SOX6: variants seen among roughly 807,000 people sequenced by gnomAD.
The protein encoded by SOX6 is SRY-box transcription factor 6.
SOX6 carries 11 observed loss-of-function variants against 97.8 expected under a neutral mutation model. The ratio of observed to expected loss-of-function variants is 0.11; its 90% confidence interval spans 0.07 to 0.19. SOX6 has a LOEUF of 0.19. Ranked by LOEUF, SOX6 falls within the 10% of genes least tolerant of loss-of-function variation. SOX6 has a pLI of 1.00. For synonymous variants in SOX6, 360 were observed against 371.4 expected (o/e 0.97, Z 0.35); for missense variants, 810 against 1,039.5 (o/e 0.78, Z 3.04).
chr11:16,414,474 C>T (rs1332272813), intron 1 of SOX6, among the ~76,000 whole-genome samples: 1 of 151,886 alleles, frequency 6.6e-6, no homozygotes, highest in Non-Finnish European at 1.5e-5. Flanking sequence ...AATTAATTCC[C>T]TCAGTAATTA....
upstream of SOX6, among the ~76,000 whole-genome samples, chr11:16,477,005 A>G (rs549906687): frequency 1.2e-4 from 19 of 152,338 alleles, no homozygotes; most frequent in East Asian, 2.5e-3. Flanking sequence ...TTTAACATAC[A>G]AAGAGTCATT....
chr11:15,998,486 A>G (rs1169653471), intron 13 of SOX6, among the ~76,000 whole-genome samples: 1 of 112,864 alleles, frequency 8.9e-6, no homozygotes, highest in African/African-American at 2.7e-5. Context: ...ATATTGTTAC[A>G]ATGTGATTGT....
chr11:16,140,032 T>C (rs1249433414), intron 6 of SOX6, among the ~76,000 whole-genome samples: 2 of 151,088 alleles, frequency 1.3e-5, no homozygotes, highest in Non-Finnish European at 2.9e-5. Flanking sequence ...TGTATATTTA[T>C]ATGTGTATAT....
chr11:16,659,821 C>T (rs1782616648), intron 3 of SOX6, among the ~76,000 whole-genome samples: 1 of 152,114 alleles, frequency 6.6e-6, no homozygotes, highest in African/African-American at 2.4e-5. Context: ...GGGGCCTATT[C>T]AGATTATCTA....
chr11:16,281,999 A>G (rs1169170346), intron 3 of SOX6, among the ~76,000 whole-genome samples: 6 of 148,880 alleles, frequency 4.0e-5, no homozygotes, highest in Non-Finnish European at 7.4e-5. Flanking sequence ...ATATATATAT[A>G]TATATATACA....
chr11:16,684,213 C>T (rs188864153), intron 3 of SOX6, among the ~76,000 whole-genome samples: 1 of 152,234 alleles, frequency 6.6e-6, no homozygotes, highest in African/African-American at 2.4e-5. Context: ...CCATTTGACC[C>T]AGTGATCCCA....
rs904855067 is a variant in SOX6, at chr11:16,062,429, A to C, written c.1102-6528T>G. ...ATATAATTCTCAGATCATAGTTCAC[A>C]GTCATAATGATTATAATAATGAATA... On this transcript the variant is annotated intron_variant, in intron 9 of 15. Transcript: ENST00000683767. Among the ~76,000 whole-genome samples the C allele has an allele frequency of 4.8e-4, 73 of 151,750 alleles. 1 individual carries two copies. The highest frequency in any genetic ancestry group is 1.5e-3 in the African/African-American group (63 of 41,432).
At chr11:16,251,615 G>A (rs1295965265) in intron 3 of SOX6, among the ~76,000 whole-genome samples, 1 of 152,074 alleles carries the variant, frequency 6.6e-6, no homozygotes, top group Non-Finnish European at 1.5e-5. Context: ...TCACAGAGAT[G>A]ACTCCAGGTC....
intron 4 of SOX6, among the ~76,000 whole-genome samples, chr11:16,540,801 A>C (rs1380058971): frequency 6.6e-6 from 1 of 152,210 alleles, no homozygotes; most frequent in Non-Finnish European, 1.5e-5. Flanking sequence ...ACTACAAACC[A>C]CTGCTCAATG....
At chr11:16,202,989 A>G (rs982876527) in intron 4 of SOX6, among the ~76,000 whole-genome samples, 1 of 152,166 alleles carries the variant, frequency 6.6e-6, no homozygotes, top group Non-Finnish European at 1.5e-5. Flanking sequence ...GCACTGCTTT[A>G]TAGGAATCTC....
chr11:16,437,770 T>TAAACTACATAATATGGGGAAAAAAA (rs1164865700), intron 1 of SOX6, among the ~76,000 whole-genome samples: 1 of 152,224 alleles, frequency 6.6e-6, no homozygotes. Flanking sequence ...ATTTAACTTG[T>TAAACTACATAATATGGGGAAAAAAA]CTGTGCTGAG....
intron 12 of SOX6, among the ~76,000 whole-genome samples, chr11:16,027,401 C>T (rs1204670929): frequency 6.6e-6 from 1 of 151,980 alleles, no homozygotes; most frequent in Non-Finnish European, 1.5e-5. Flanking sequence ...CTTTCAAGTC[C>T]TGAAAATCAG....
chr11:16,023,176 C>G (rs1855117978), intron 12 of SOX6: 2 of 152,134 alleles, frequency 1.3e-5, no homozygotes, highest in African/African-American at 4.8e-5. Context: ...TCTAACACCC[C>G]TAACCCCTTT....
intron 3 of SOX6, among the ~76,000 whole-genome samples, chr11:16,243,996 T>C (rs1853266591): frequency 1.3e-5 from 2 of 152,016 alleles, no homozygotes; most frequent in Non-Finnish European, 2.9e-5. Context: ...CATTCACAAG[T>C]CTTTTTATGA....
chr11:16,174,517 A>T (rs1302840279), intron 6 of SOX6, among the ~76,000 whole-genome samples: 3 of 151,938 alleles, frequency 2.0e-5, no homozygotes, highest in Admixed American at 6.6e-5. Context: ...CTATATGTGA[A>T]TTAAAAATGG....
At chr11:16,330,743 T>G (rs1856264548) in intron 2 of SOX6, among the ~76,000 whole-genome samples, 1 of 152,070 alleles carries the variant, frequency 6.6e-6, no homozygotes, top group Non-Finnish European at 1.5e-5. Context: ...CCAAGAAAGT[T>G]AGAAGTGCCA....
At chr11:16,589,308 T>A (rs1848125946) in intron 4 of SOX6, among the ~76,000 whole-genome samples, 2 of 152,192 alleles carry the variant, frequency 1.3e-5, no homozygotes, top group African/African-American at 4.8e-5. Context: ...TTATTTTAAA[T>A]GTAAGAAAAA....
intron 3 of SOX6, among the ~76,000 whole-genome samples, chr11:16,284,081 GT>G (rs1854661191): frequency 1.3e-5 from 2 of 152,032 alleles, no homozygotes; most frequent in African/African-American, 4.8e-5. Context: ...ACCCTAAAAT[GT>G]TAACTCCAAT....
intron 4 of SOX6, among the ~76,000 whole-genome samples, chr11:16,525,036 T>G (rs369164809): frequency 1.3e-5 from 2 of 152,084 alleles, no homozygotes; most frequent in African/African-American, 2.4e-5. Flanking sequence ...GACTCAATAT[T>G]GTGAAAATGG....
Sources: allele counts gnomAD v4.1 joint callset (sites outside exome capture counted in the v4.1 genomes callset), GRCh38; gene constraint gnomAD v4.1.1; transcripts MANE v1.5; gene names NCBI Gene and HGNC (gene_info 2026-07-23, HGNC 2026-07-21).